Variants in SSBP3 observed in about 807,000 individuals in gnomAD.
SSBP3 encodes single-stranded DNA-binding protein 3.
Under a neutral mutation model 69.6 loss-of-function variants are expected in SSBP3, and 5 were observed. That is an observed-to-expected ratio of 0.07 (90% confidence interval 0.04 to 0.15). The LOEUF (loss-of-function observed/expected upper bound fraction) is 0.15. SSBP3 is among the 10% of genes least tolerant of loss of function. The probability of loss-of-function intolerance (pLI) is 1.00; values close to 1 mark genes in which losing one functional copy is unlikely to be tolerated. For missense variants in SSBP3, 312 were observed against 534.0 expected (o/e 0.58, Z 4.10); for synonymous variants, 196 against 193.4 (o/e 1.01, Z -0.11).
chr1:54,275,157 C>G (rs1645261334), intron 5 of SSBP3, among the ~76,000 whole-genome samples: 1 of 152,226 alleles, frequency 6.6e-6, no homozygotes, highest in African/African-American at 2.4e-5. Flanking sequence ...TGACAGGTCC[C>G]TGCCCTTACA....
intron 4 of SSBP3, among the ~76,000 whole-genome samples, chr1:54,356,213 C>T (rs1186101116): frequency 6.6e-6 from 1 of 152,118 alleles, no homozygotes; most frequent in Admixed American, 6.5e-5. Flanking sequence ...GCCCAAATCC[C>T]GGGGAGCTGG....
At chr1:54,372,045 G>T (rs940127470) in intron 4 of SSBP3, among the ~76,000 whole-genome samples, 1 of 152,162 alleles carries the variant, frequency 6.6e-6, no homozygotes, top group Admixed American at 6.5e-5. Context: ...TAGTTAATGA[G>T]TATCTCCAAC....
intron 5 of SSBP3, among the ~76,000 whole-genome samples, chr1:54,273,232 G>C (rs1273666030): frequency 6.6e-6 from 1 of 152,250 alleles, no homozygotes; most frequent in African/African-American, 2.4e-5. Context: ...TCATCAGTGA[G>C]AGTTACGGCG....
chr1:54,372,949 CT>C (rs1647158842), intron 4 of SSBP3, among the ~76,000 whole-genome samples: 1 of 152,166 alleles, frequency 6.6e-6, no homozygotes, highest in Admixed American at 6.5e-5. Context: ...CTTTTCTATT[CT>C]TTTGTTGGGA....
chr1:54,353,347 A>G (rs1183451516), intron 4 of SSBP3, among the ~76,000 whole-genome samples: 1 of 152,204 alleles, frequency 6.6e-6, no homozygotes, highest in Admixed American at 6.5e-5. Flanking sequence ...GATCACCTCT[A>G]CTTTCAGATC....
Position 54,241,521 on chromosome 1 carries a change from A to G in SSBP3, c.766-12T>C, listed in dbSNP as rs771226270. On this transcript the variant is annotated splice_polypyrimidine_tract_variant and intron_variant, in intron 11 of 17. Coordinates refer to ENST00000610401, the Ensembl canonical transcript of SSBP3. ...GAGGAGTATGGAATCTAAAAACAAG[A>G]TGTCAGGGAGCCCCACGTCAGAGTC... 6.2e-7 allele frequency: 1 copy of G among 1,613,802 alleles called. No homozygotes were observed. Among genetic ancestry groups the G allele is most frequent in the Non-Finnish European group, 8.5e-7 (1 of 1,179,910 alleles).
At chr1:54,243,408 G>C in intron 9 of SSBP3, 109 bp from the exon 10 acceptor site, 1 of 1,329,310 alleles carries the variant, frequency 7.5e-7, no homozygotes, top group Non-Finnish European at 1.1e-6. Context: ...CTGTGAAAAG[G>C]ATTGATGAGA....
exon 18 of SSBP3, chr1:54,227,041 T>A (rs1644296206): frequency 9.1e-7 from 1 of 1,094,708 alleles, no homozygotes; most frequent in African/African-American, 1.6e-5. Flanking sequence ...CCCCACCAGC[T>A]CCTGGATAAT....
At chr1:54,279,019 G>C (rs1316706143) in intron 5 of SSBP3, among the ~76,000 whole-genome samples, 1 of 152,218 alleles carries the variant, frequency 6.6e-6, no homozygotes, top group East Asian at 1.9e-4. Flanking sequence ...GAGCGGTTCA[G>C]CATCATGGCC....
chr1:54,350,388 G>A (rs1288397939), intron 4 of SSBP3, among the ~76,000 whole-genome samples: 1 of 152,252 alleles, frequency 6.6e-6, no homozygotes, highest in African/African-American at 2.4e-5. Context: ...CTCATCCGTG[G>A]AAGAGGTACA....
At chr1:54,249,118 G>GA (rs1644782192) in intron 9 of SSBP3, among the ~76,000 whole-genome samples, 1 of 152,096 alleles carries the variant, frequency 6.6e-6, no homozygotes, top group South Asian at 2.1e-4. Flanking sequence ...GTCAGGGGCA[G>GA]ACATGATGAG....
At chr1:54,369,753 C>T (rs1348313347) in intron 4 of SSBP3, among the ~76,000 whole-genome samples, 1 of 151,690 alleles carries the variant, frequency 6.6e-6, no homozygotes, top group Admixed American at 6.6e-5. Context: ...TGAGGACGCT[C>T]AGAACAGAAT....
At chr1:54,234,149 C>T (rs1031206494) in intron 14 of SSBP3, among the ~76,000 whole-genome samples, 1 of 151,394 alleles carries the variant, frequency 6.6e-6, no homozygotes, top group Non-Finnish European at 1.5e-5. Context: ...TTGAAGGCAG[C>T]ATGCTCGTTA....
chr1:54,257,145 C>T lies in SSBP3; in HGVS notation c.489G>A (p.Pro163=), dbSNP rs764970665. The T allele has an allele frequency of 5.0e-6, 8 of 1,602,652 alleles. No homozygotes were observed. The Admixed American group carries it at 1.0e-4, about 21-fold the overall frequency. Reference sequence around the variant, plus strand: ...ACAGTACCTGGTTTCCCATTCTGATCGGGGGCCTGGGGCCGCCTGCGTATC... The same window carrying T: ...ACAGTACCTGGTTTCCCATTCTGATTGGGGGCCTGGGGCCGCCTGCGTATC... The change falls in exon 7 of 18, where the codon CCG becomes CCA. Residue 163 remains proline, a synonymous_variant. Coordinates refer to ENST00000610401, the Ensembl canonical transcript of SSBP3.
intron 14 of SSBP3, among the ~76,000 whole-genome samples, chr1:54,231,748 G>T (rs921150660): frequency 5.3e-5 from 8 of 152,176 alleles, no homozygotes; most frequent in Admixed American, 2.6e-4. Context: ...AGGCTGGAGT[G>T]CAGTGGCGTG....
chr1:54,304,163 G>C (rs1447949740), intron 4 of SSBP3, among the ~76,000 whole-genome samples: 1 of 152,196 alleles, frequency 6.6e-6, no homozygotes, highest in Non-Finnish European at 1.5e-5. Flanking sequence ...ACACAACTGG[G>C]GAGCACTTGG....
intron 4 of SSBP3, among the ~76,000 whole-genome samples, chr1:54,296,511 A>G (rs1193296702): frequency 6.6e-6 from 1 of 152,230 alleles, no homozygotes; most frequent in Admixed American, 6.5e-5. Flanking sequence ...AACATAGTAC[A>G]GGAAGGAGTC....
chr1:54,399,544 A>C (rs552901890), intron 4 of SSBP3, among the ~76,000 whole-genome samples: 16 of 152,340 alleles, frequency 1.1e-4, no homozygotes, highest in African/African-American at 3.8e-4. Flanking sequence ...TTTTATAGAT[A>C]TGGAGATGAA....
intron 5 of SSBP3, among the ~76,000 whole-genome samples, chr1:54,264,042 C>G (rs1014480759): frequency 1.3e-5 from 2 of 152,160 alleles, no homozygotes; most frequent in African/African-American, 2.4e-5. Flanking sequence ...TGGCTTACAC[C>G]TGTAATCCAG....
Sources: allele counts gnomAD v4.1 joint callset (sites outside exome capture counted in the v4.1 genomes callset), GRCh38; gene constraint gnomAD v4.1.1; transcripts MANE v1.5; gene names NCBI Gene and HGNC (gene_info 2026-07-23, HGNC 2026-07-21).